The following DPH5 variants were observed in gnomAD, a reference collection of about 807,000 sequenced individuals.
DPH5 encodes diphthamide biosynthesis 5.
Under a neutral mutation model 31.6 loss-of-function variants are expected in DPH5, and 31 were observed. The observed-to-expected ratio is 0.98, with a 90% CI of 0.74 to 1.32. The LOEUF (loss-of-function observed/expected upper bound fraction) is 1.32. DPH5 is among the 40% of genes most tolerant of loss of function. The pLI is 0.00. For missense variants in DPH5, 309 were observed against 335.7 expected (o/e 0.92, Z 0.62); for synonymous variants, 120 against 115.0 (o/e 1.04, Z -0.28).
intron 5 of DPH5, among the ~76,000 whole-genome samples, chr1:101,001,028 C>G (rs1466995098): frequency 6.6e-6 from 1 of 152,162 alleles, no homozygotes; most frequent in Non-Finnish European, 1.5e-5. Flanking sequence ...AAACAGGCCT[C>G]AATAAGATGA....
intron 4 of DPH5, among the ~76,000 whole-genome samples, chr1:101,007,731 AAAACAG>A (rs1303426762): frequency 6.6e-6 from 1 of 150,668 alleles, no homozygotes; most frequent in Non-Finnish European, 1.5e-5. Flanking sequence ...AAAAAACAAA[AAAACAG>A]AAACAAAAAC....
intron 4 of DPH5, 37 bp from the exon 5 acceptor site, chr1:101,001,624 AACT>A (rs768118066): frequency 2.6e-5 from 37 of 1,430,420 alleles, no homozygotes; most frequent in Non-Finnish European, 3.1e-5. Context: ...TGGAACAATT[AACT>A]ACTATTTCAT....
intron 6 of DPH5, among the ~76,000 whole-genome samples, chr1:100,994,620 A>G (rs930050703): frequency 2.6e-5 from 4 of 151,268 alleles, no homozygotes; most frequent in Admixed American, 1.3e-4. Context: ...TCTGCCTCCC[A>G]GATTCAAGCG....
In DPH5 at chr1:100,999,636, C is replaced by G. The variant is rs1007620880; in HGVS notation, c.490+1831G>C. ...CGGGCAGATCTTAAGGTCAGGAGTT[C>G]GAGACCAGTTTGGCCAATATGGCGA... is the stretch of plus-strand genomic sequence containing the variant. On this transcript the variant is annotated intron_variant, in intron 5 of 7. Transcript: ENST00000370109. 2.0e-5 allele frequency among the ~76,000 whole-genome samples: 3 copies of G among 151,472 alleles called. No homozygotes were observed. The South Asian group carries it at 6.3e-4, about 32-fold the overall frequency.
intron 5 of DPH5, among the ~76,000 whole-genome samples, chr1:100,998,457 C>T (rs943543786): frequency 4.0e-5 from 6 of 150,860 alleles, no homozygotes; most frequent in Non-Finnish European, 7.4e-5. Context: ...TGCAGTGAGC[C>T]GAGACTGCAC....
intron 5 of DPH5, among the ~76,000 whole-genome samples, chr1:100,997,420 C>T (rs573437159): frequency 6.6e-6 from 1 of 152,156 alleles, no homozygotes; most frequent in Non-Finnish European, 1.5e-5. Flanking sequence ...GGCTGGAGTG[C>T]AGTGGTGCAA....
chr1:100,994,996 T>G lies in DPH5; in HGVS notation c.530+114A>C, dbSNP rs539277379. Reference sequence around the variant, plus strand: ...GAATAAAAATGCTTAATGTTCACACTGTTAATGAGAGCTCATTTTCAACCA... The same window carrying G: ...GAATAAAAATGCTTAATGTTCACACGGTTAATGAGAGCTCATTTTCAACCA... On this transcript the variant is annotated intron_variant, in intron 6 of 7. Coordinates refer to ENST00000370109, the MANE Select transcript of DPH5 (RefSeq NM_015958.3). The G allele has an allele frequency of 4.9e-5, 34 of 696,736 alleles. No individual in the cohort carries two copies. In the Admixed American group the frequency reaches 8.1e-4, roughly 17 times the overall value. The allele number at this position is 696,736 out of a possible 1,614,324, so 43.2% of individuals were successfully genotyped here. A position where few individuals can be genotyped will look rare whatever the true frequency, so the allele number is the denominator to read the frequency against.
intron 3 of DPH5, among the ~76,000 whole-genome samples, chr1:101,020,056 GA>G (rs2101293387): frequency 6.6e-6 from 1 of 152,290 alleles, no homozygotes; most frequent in African/African-American, 2.4e-5. Context: ...AGAGAAAAAA[GA>G]AAGACTTCAA....
At chr1:101,004,515 A>C (rs1659086160) in intron 4 of DPH5, among the ~76,000 whole-genome samples, 1 of 152,206 alleles carries the variant, frequency 6.6e-6, no homozygotes, top group African/African-American at 2.4e-5. Context: ...TTAAATTTTA[A>C]CCTGGAGTAA....
chr1:101,007,752 AC>A (rs1479790891), intron 4 of DPH5, among the ~76,000 whole-genome samples: 47 of 142,008 alleles, frequency 3.3e-4, no homozygotes, highest in African/African-American at 1.3e-3. Flanking sequence ...AAAAACAAAA[AC>A]CAAAAAAAAA....
intron 7 of DPH5, among the ~76,000 whole-genome samples, chr1:100,991,600 A>C (rs1657711060): frequency 6.6e-6 from 1 of 152,016 alleles, no homozygotes; most frequent in African/African-American, 2.4e-5. Flanking sequence ...CCAGCTGGGC[A>C]ACATGGTGAA....
chr1:101,025,719 C>A lies in DPH5; in HGVS notation c.-60G>T. 2.5e-6 allele frequency: 1 copy of A among 396,630 alleles called. No homozygotes were observed. The allele number at this position is 396,630 out of a possible 1,614,324, so 24.6% of individuals were successfully genotyped here. On this transcript the variant is annotated 5_prime_UTR_variant, in exon 1 of 8. Coordinates refer to ENST00000370109, the MANE Select transcript of DPH5 (RefSeq NM_015958.3). The stretch of plus-strand genomic sequence containing the variant: ...ATCGTAGGTAGTTCTCTGGCCTTTA[C>A]AAATTCTTAACTACCACCTTTCCGC...
chr1:100,991,953 A>G (rs527568962), intron 7 of DPH5, among the ~76,000 whole-genome samples: 40 of 151,974 alleles, frequency 2.6e-4, no homozygotes, highest in Non-Finnish European at 5.6e-4. Context: ...CCAAAAACAC[A>G]CAAAGAAATT....
At chr1:101,015,720 T>C (rs1660028703) in intron 3 of DPH5, among the ~76,000 whole-genome samples, 1 of 152,228 alleles carries the variant, frequency 6.6e-6, no homozygotes, top group African/African-American at 2.4e-5. Flanking sequence ...ACTGAAAATC[T>C]ACTGTGTAGT....
At chr1:100,993,559 A>ATATAT (rs1657999167) in intron 6 of DPH5, among the ~76,000 whole-genome samples, 1 of 56,546 alleles carries the variant, frequency 1.8e-5, no homozygotes, top group Non-Finnish European at 3.4e-5. Context: ...CGAAAATATA[A>ATATAT]ATATATATAT....
intron 3 of DPH5, among the ~76,000 whole-genome samples, chr1:101,020,996 A>T (rs1378522154): frequency 6.6e-6 from 1 of 152,210 alleles, no homozygotes; most frequent in Non-Finnish European, 1.5e-5. Flanking sequence ...CATGGTCCTT[A>T]TGTTCCTTAA....
chr1:101,006,165 A>C (rs1394090010), intron 4 of DPH5, among the ~76,000 whole-genome samples: 3 of 152,226 alleles, frequency 2.0e-5, no homozygotes, highest in African/African-American at 7.2e-5. Context: ...ATTTGACCTC[A>C]AAATTGAGTC....
chr1:101,020,683 G>C (rs1660379075), intron 3 of DPH5, among the ~76,000 whole-genome samples: 1 of 151,898 alleles, frequency 6.6e-6, no homozygotes, highest in African/African-American at 2.4e-5. Context: ...TCCAAATCCT[G>C]TTCTCTACCA....
intron 3 of DPH5, among the ~76,000 whole-genome samples, chr1:101,020,715 C>A (rs977473440): frequency 1.3e-5 from 2 of 152,136 alleles, no homozygotes; most frequent in Non-Finnish European, 2.9e-5. Context: ...ACACTACCAA[C>A]CACTCATTTG....
Sources: allele counts gnomAD v4.1 joint callset (sites outside exome capture counted in the v4.1 genomes callset), GRCh38; gene constraint gnomAD v4.1.1; transcripts MANE v1.5; gene names NCBI Gene and HGNC (gene_info 2026-07-23, HGNC 2026-07-21).